Variants in HS6ST1 observed in about 807,000 individuals in gnomAD.
HS6ST1 encodes heparan-sulfate 6-O-sulfotransferase 1.
Under a neutral mutation model 25.2 loss-of-function variants are expected in HS6ST1, and 3 were observed. The ratio of observed to expected loss-of-function variants is 0.12; its 90% CI spans 0.05 to 0.31. HS6ST1 has a LOEUF of 0.31. Among genes scored for constraint, HS6ST1 ranks in the 10% least tolerant of loss-of-function variants. The pLI is 1.00. For synonymous variants in HS6ST1, 204 were observed against 275.1 expected, an observed-to-expected ratio of 0.74 and a Z score of 2.56; for missense variants, 310 against 609.6, an observed-to-expected ratio of 0.51 and a Z score of 5.18.
chr2:128,284,475 T>C (rs1693831845), intron 1 of HS6ST1, among the ~76,000 whole-genome samples: 1 of 149,302 alleles, frequency 6.7e-6, no homozygotes, highest in Admixed American at 6.7e-5. Context: ...CAGCAACGCC[T>C]ACCATACTGT....
At chr2:128,269,150 G>A (rs1460732525) in intron 1 of HS6ST1, among the ~76,000 whole-genome samples, 2 of 152,206 alleles carry the variant, frequency 1.3e-5, no homozygotes, top group Admixed American at 1.3e-4. Context: ...CTGGTGGGTG[G>A]AGCCACCAAT....
intron 1 of HS6ST1, chr2:128,289,892 A>G (rs1693927286): frequency 6.6e-6 from 1 of 152,266 alleles, no homozygotes; most frequent in East Asian, 1.9e-4. Context: ...ATGTCCAAAT[A>G]TAAGTCACAA....
rs545609008 is a variant in HS6ST1, at chr2:128,311,593, C to A, written c.527+6444G>T. On this transcript the variant is annotated intron_variant, in intron 1 of 1. Coordinates refer to ENST00000259241, the MANE Select transcript of HS6ST1 (RefSeq NM_004807.3). ...CTTGAGGTCTGACCTAGAAACACCCCACAGTCTTTCATAGAGGGGGTATGC... is the reference window on the plus strand; with the variant it reads ...CTTGAGGTCTGACCTAGAAACACCCAACAGTCTTTCATAGAGGGGGTATGC... Among the ~76,000 whole-genome samples, 3 of 152,294 alleles carry A rather than the reference C, an allele frequency of 2.0e-5. No homozygotes were observed. In the East Asian group the frequency reaches 5.8e-4, roughly 29 times the overall value.
At chr2:128,298,061 A>G (rs1288227751) in intron 1 of HS6ST1, among the ~76,000 whole-genome samples, 1 of 152,138 alleles carries the variant, frequency 6.6e-6, no homozygotes, top group Non-Finnish European at 1.5e-5. Flanking sequence ...ATGGCCAACA[A>G]GCAGATATAA....
Position 128,318,492 on chromosome 2 carries a change from G to A in HS6ST1, c.72C>T (p.Gly24=), listed in dbSNP as rs1573714771. 1 of 1,548,340 alleles carries A rather than the reference G, an allele frequency of 6.5e-7. No individual in the cohort carries two copies. The highest frequency in any genetic ancestry group is 1.4e-5 in the African/African-American group (1 of 73,146). ...ACAAGATGAGCATGAAGCACACCGAGCCCGCCACCACCAGCACGAACTTGC... is the reference window on the plus strand; with the variant it reads ...ACAAGATGAGCATGAAGCACACCGAACCCGCCACCACCAGCACGAACTTGC... ...RASKFVLVVA[G]SVCFMLILYQ... is the part of the protein sequence containing the mutation. Residue 24 remains glycine, a synonymous_variant, in exon 1 of 2, where the codon GGC becomes GGT. Transcript: ENST00000259241. The surrounding 1 kb of genome is among the most constrained non-coding windows in gnomAD (Gnocchi z 5.7).
At chr2:128,279,034 C>A (rs1693738731) in intron 1 of HS6ST1, among the ~76,000 whole-genome samples, 1 of 152,196 alleles carries the variant, frequency 6.6e-6, no homozygotes, top group South Asian at 2.1e-4. Context: ...ATCACAAAAG[C>A]CTCCCCGCTG....
Position 128,300,402 on chromosome 2 carries a change from G to A in HS6ST1, c.527+17635C>T, listed in dbSNP as rs999226003. ...CCTTGGGCCATGCTGGTGACCAGGT[G>A]TGGCTTCCACAGTACGCCTGCCCCC... is the stretch of plus-strand genomic sequence containing the variant. On this transcript the variant is annotated intron_variant, in intron 1 of 1. Coordinates refer to ENST00000259241, the MANE Select transcript of HS6ST1 (RefSeq NM_004807.3). Among the ~76,000 whole-genome samples, 11 of 152,328 alleles carry A rather than the reference G, an allele frequency of 7.2e-5. No individual in the cohort carries two copies. In the Middle Eastern group the frequency reaches 0.02, roughly 283 times the overall value.
intron 1 of HS6ST1, among the ~76,000 whole-genome samples, chr2:128,292,852 A>ACGGCT (rs1328521383): frequency 6.6e-6 from 1 of 151,750 alleles, no homozygotes; most frequent in Non-Finnish European, 1.5e-5. Context: ...GCTGGAAAAG[A>ACGGCT]CGGCTCGACT....
chr2:128,269,193 G>A (rs537924921), intron 1 of HS6ST1, among the ~76,000 whole-genome samples: 17 of 152,290 alleles, frequency 1.1e-4, no homozygotes, highest in Middle Eastern at 3.4e-3. Flanking sequence ...AGCCACAGCC[G>A]CCTGAGGCCA....
At chr2:128,304,716 G>T (rs840891) in intron 1 of HS6ST1, among the ~76,000 whole-genome samples, 73,890 of 152,076 alleles carry the variant, frequency 0.49, 18,686 homozygotes, top group East Asian at 0.79. Flanking sequence ...CAGAGAACAG[G>T]GACAGTGACA....
At chr2:128,316,725 T>G (rs938151771) in intron 1 of HS6ST1, among the ~76,000 whole-genome samples, 8 of 150,934 alleles carry the variant, frequency 5.3e-5, no homozygotes, top group Non-Finnish European at 8.9e-5. Flanking sequence ...GTGTGTACAG[T>G]TGGGGGAGGG....
chr2:128,290,827 A>G (rs1006467836), intron 1 of HS6ST1, among the ~76,000 whole-genome samples: 1 of 149,640 alleles, frequency 6.7e-6, no homozygotes, highest in Non-Finnish European at 1.5e-5. Context: ...CAAAAAAAAA[A>G]AAAAAAAAAA....
At chr2:128,292,984 G>C (rs1452410197) in intron 1 of HS6ST1, among the ~76,000 whole-genome samples, 2 of 152,158 alleles carry the variant, frequency 1.3e-5, no homozygotes, top group Non-Finnish European at 2.9e-5. Context: ...AAGAGCCCTG[G>C]AGACCACCCT....
intron 1 of HS6ST1, among the ~76,000 whole-genome samples, chr2:128,316,968 A>G (rs1694373946): frequency 6.6e-6 from 1 of 152,094 alleles, no homozygotes; most frequent in East Asian, 1.9e-4. Context: ...GCCTCCTACC[A>G]CCAGCCTGTC....
At chr2:128,308,379 G>A (rs1694242179) in intron 1 of HS6ST1, among the ~76,000 whole-genome samples, 1 of 152,212 alleles carries the variant, frequency 6.6e-6, no homozygotes, top group African/African-American at 2.4e-5. Flanking sequence ...CACTGCATCC[G>A]AGGAACAAGG....
rs571167551 is a variant in HS6ST1, at chr2:128,272,684, G to A, written c.528-3814C>T. Among the ~76,000 whole-genome samples the A allele has an allele frequency of 2.3e-4, 35 of 152,292 alleles. No individual in the cohort carries two copies. The East Asian group carries it at 5.4e-3, about 24-fold the overall frequency. On this transcript the variant is annotated intron_variant, in intron 1 of 1. Transcript: ENST00000259241. Reference sequence around the variant, plus strand: ...AGACAGGGAGGAGAGAAGAGGGCTCGATTTTCTGGGTCCAGCCATTGAAAT... The same window carrying A: ...AGACAGGGAGGAGAGAAGAGGGCTCAATTTTCTGGGTCCAGCCATTGAAAT...
intron 1 of HS6ST1, among the ~76,000 whole-genome samples, chr2:128,279,158 A>G (rs1030911144): frequency 1.3e-5 from 2 of 151,930 alleles, no homozygotes; most frequent in African/African-American, 4.8e-5. Context: ...CTCCCCTCCC[A>G]TGCCCGAAGC....
chr2:128,269,896 AGGGGTG>A (rs1199082801), intron 1 of HS6ST1, among the ~76,000 whole-genome samples: 3 of 152,080 alleles, frequency 2.0e-5, no homozygotes, highest in Non-Finnish European at 4.4e-5. Context: ...TGCCCTGGGC[AGGGGTG>A]GGGGTGGGGG....
chr2:128,280,645 G>A (rs1201721579), intron 1 of HS6ST1, among the ~76,000 whole-genome samples: 1 of 152,172 alleles, frequency 6.6e-6, no homozygotes, highest in Non-Finnish European at 1.5e-5. Context: ...CACAGAAAAT[G>A]CTGGGCTAAG....
Sources: gnomAD v4.1 joint callset for allele counts (sites outside exome capture counted in the v4.1 genomes callset) on GRCh38, gnomAD v4.1.1 for gene constraint, Gnocchi (gnomAD v3.1) non-coding constraint, MANE v1.5 for transcripts, NCBI Gene and HGNC (gene_info 2026-07-23, HGNC 2026-07-21) for gene names.